Variants in TFB1M observed in about 807,000 individuals in gnomAD.
TFB1M encodes transcription factor B1, mitochondrial.
TFB1M carries 27 observed loss-of-function variants against 31.1 expected under a neutral mutation model. The observed-to-expected ratio is 0.87, with a 90% confidence interval of 0.64 to 1.20. The LOEUF is 1.20. Ranked by LOEUF, TFB1M falls within the 50% of genes most tolerant of loss-of-function variation. TFB1M has a pLI of 0.00. For synonymous variants in TFB1M, 166 were observed against 151.8 expected (o/e 1.09, Z -0.69); for missense variants, 394 against 418.7 (o/e 0.94, Z 0.51).
At chr6:155,258,155 C>G in intron 6 of TFB1M, 73 bp from the exon 7 acceptor site, 1 of 1,568,732 alleles carries the variant, frequency 6.4e-7, no homozygotes, top group South Asian at 1.1e-5. Context: ...CTTTTTAACC[C>G]TCATTTGAAA....
downstream of TFB1M, chr6:155,251,921 T>G (rs1783681103): frequency 1.3e-6 from 2 of 1,577,416 alleles, no homozygotes; most frequent in South Asian, 1.1e-5. Context: ...AATAAAGACT[T>G]TCTTTCTCTT....
chr6:155,256,861 G>C lies in TFB1M; in HGVS notation c.*975C>G. 1.9e-6 allele frequency: 3 copies of C among 1,614,202 alleles called. No homozygotes were observed. Among genetic ancestry groups the C allele is most frequent in the Non-Finnish European group, 2.5e-6 (3 of 1,180,036 alleles). On this transcript the variant is annotated 3_prime_UTR_variant, in exon 7 of 7. Coordinates refer to ENST00000367166, the MANE Select transcript of TFB1M (RefSeq NM_016020.4). ...TGAGCAGCAGCCTGGCCCGGAGTCG[G>C]GTGAGGGTCAGAAAGGAGGAGAGCA...
rs972160002 is a variant in TFB1M at position 155,266,735 on chromosome 6, T to G, written c.667-6335A>C. On this transcript the variant is annotated intron_variant, in intron 5 of 6. Coordinates refer to ENST00000367166, the MANE Select transcript of TFB1M (RefSeq NM_016020.4). ...GGTGGCGGCCGCCTGTAGTCCCCGC[T>G]ACTTGGGAGGCTGAGGCAGGAGAAT... Among the ~76,000 whole-genome samples, 4 of 149,866 alleles carry G rather than the reference T, an allele frequency of 2.7e-5. No homozygotes were observed. In the East Asian group the frequency reaches 8.3e-4, roughly 31 times the overall value.
chr6:155,250,902 T>C, the TFB1M span: 7 of 1,613,664 alleles, frequency 4.3e-6, no homozygotes, highest in East Asian at 2.2e-5. Flanking sequence ...CCTCCTGTTT[T>C]TACAATCTAG....
At position 155,256,831 on chromosome 6, in the gene TFB1M, G is replaced by A. The variant is rs144439047; in HGVS notation, c.*1005C>T. 419 of 1,614,186 alleles carry A rather than the reference G, an allele frequency of 2.6e-4. 2 individuals carry two copies. Among genetic ancestry groups the A allele is most frequent in the South Asian group, 1.8e-3 (162 of 91,080 alleles). ...TTCCGAGGACCCAGACGTTCACCCCGAGGCTGAGCAGCAGCCTGGCCCGGA... is the reference window on the plus strand; with the variant it reads ...TTCCGAGGACCCAGACGTTCACCCCAAGGCTGAGCAGCAGCCTGGCCCGGA... On this transcript the variant is annotated 3_prime_UTR_variant, in exon 7 of 7. Transcript: ENST00000367166.
the TFB1M span, chr6:155,240,822 G>T: frequency 9.1e-7 from 1 of 1,096,656 alleles, no homozygotes; most frequent in East Asian, 2.5e-5. Context: ...TCCCCAGGGG[G>T]GGACACCTGC....
At chr6:155,254,328 G>A (rs563804091), downstream of TFB1M, 23 of 1,521,346 alleles carry the variant, frequency 1.5e-5, no homozygotes, top group South Asian at 1.8e-4. Flanking sequence ...TGGTCCAGCA[G>A]GTGCAAGGCA....
intron 4 of TFB1M, among the ~76,000 whole-genome samples, chr6:155,289,629 C>A (rs1226549647): frequency 1.3e-5 from 2 of 152,100 alleles, no homozygotes; most frequent in Non-Finnish European, 2.9e-5. Context: ...ATTAACAAAG[C>A]CAATCAAAGT....
intron 5 of TFB1M, among the ~76,000 whole-genome samples, chr6:155,279,777 C>T (rs73008669): frequency 0.027 from 4,110 of 152,136 alleles, 95 homozygotes; most frequent in Middle Eastern, 0.044. Context: ...TTTGTTTTTT[C>T]CCTCCTTGGA....
chr6:155,239,941 G>A, the TFB1M span, among the ~76,000 whole-genome samples: 4 of 152,190 alleles, frequency 2.6e-5, 1 homozygote, highest in African/African-American at 9.6e-5. Flanking sequence ...TTACTAGCAT[G>A]TGCACCAGCT....
chr6:155,309,712 G>T (rs1777938926), intron 2 of TFB1M, among the ~76,000 whole-genome samples: 1 of 152,074 alleles, frequency 6.6e-6, no homozygotes, highest in Non-Finnish European at 1.5e-5. Context: ...TCCAAAAAGG[G>T]CTACACGAAT....
intron 2 of TFB1M, among the ~76,000 whole-genome samples, chr6:155,305,096 ATTAT>A (rs924665823): frequency 1.5e-4 from 20 of 130,212 alleles, no homozygotes; most frequent in African/African-American, 4.9e-4. Context: ...ATAATTTTAT[ATTAT>A]TTATATATTA....
At chr6:155,235,057 A>C in the TFB1M span, among the ~76,000 whole-genome samples, 2 of 152,074 alleles carry the variant, frequency 1.3e-5, no homozygotes, top group African/African-American at 4.8e-5. Flanking sequence ...AGAGCTAGAG[A>C]TGGAGCAGAG....
chr6:155,234,157 G>T, the TFB1M span, among the ~76,000 whole-genome samples: 2 of 152,002 alleles, frequency 1.3e-5, no homozygotes. Flanking sequence ...CAAGTTTGTA[G>T]CATTGATTGC....
intron 2 of TFB1M, among the ~76,000 whole-genome samples, chr6:155,309,081 A>G (rs1293656281): frequency 6.6e-6 from 1 of 152,230 alleles, no homozygotes; most frequent in Non-Finnish European, 1.5e-5. Context: ...AGAGTAATTT[A>G]ACTTGAAATC....
At chr6:155,252,818 GCCCTGAACA>G, downstream of TFB1M, 1 of 742,242 alleles carries the variant, frequency 1.3e-6, no homozygotes, top group South Asian at 1.8e-5. Context: ...TGACTTCTGT[GCCCTGAACA>G]CCCACATGGC....
intron 5 of TFB1M, among the ~76,000 whole-genome samples, chr6:155,284,022 G>A (rs1776508881): frequency 6.6e-6 from 1 of 152,202 alleles, no homozygotes; most frequent in African/African-American, 2.4e-5. Context: ...CTGAGATGCT[G>A]AAGGGAGGTG....
At position 155,298,458 on chromosome 6, in the gene TFB1M, A is replaced by G; in HGVS notation, c.394+19T>C. ...ATAATCATAAAAGAAATGTTTTATA[A>G]CTACCCAAAAGCACTCACCATCTTC... On this transcript the variant is annotated intron_variant, in intron 3 of 6. Transcript: ENST00000367166. 1 of 1,264,778 alleles carries G rather than the reference A, an allele frequency of 7.9e-7. No individual in the cohort carries two copies. Among genetic ancestry groups the G allele is most frequent in the Non-Finnish European group, 1.2e-6 (1 of 861,748 alleles). 78.3% of individuals were successfully genotyped at this position (1,264,778 alleles called of 1,614,324 possible).
the TFB1M span, among the ~76,000 whole-genome samples, chr6:155,230,239 T>A: frequency 6.6e-6 from 1 of 152,226 alleles, no homozygotes; most frequent in Non-Finnish European, 1.5e-5. Flanking sequence ...CACCACCTCA[T>A]GCCCCTCGTC....
Sources: gnomAD v4.1 joint callset for allele counts (sites outside exome capture counted in the v4.1 genomes callset) on GRCh38, gnomAD v4.1.1 for gene constraint, MANE v1.5 for transcripts, NCBI Gene and HGNC (gene_info 2026-07-23, HGNC 2026-07-21) for gene names.